PTPRJ: variants seen among roughly 807,000 people sequenced by gnomAD.
PTPRJ encodes protein tyrosine phosphatase receptor type J.
Under a neutral mutation model 141.3 loss-of-function variants are expected in PTPRJ, and 129 were observed. That is an observed-to-expected ratio of 0.91 (90% CI 0.79 to 1.06). PTPRJ has a LOEUF of 1.06. Ranked by LOEUF, PTPRJ falls within the 50% of genes least tolerant of loss-of-function variation. The pLI is 0.00. For missense variants in PTPRJ, 1,601 were observed against 1,679.7 expected (o/e 0.95, Z 0.82); for synonymous variants, 610 against 640.5 (o/e 0.95, Z 0.72).
chr11:47,990,447 G>C (rs985134438), intron 1 of PTPRJ, among the ~76,000 whole-genome samples: 1 of 151,870 alleles, frequency 6.6e-6, no homozygotes, highest in Non-Finnish European at 1.5e-5. Flanking sequence ...TTTTGAGGGG[G>C]AGTCTTGCTC....
intron 2 of PTPRJ, among the ~76,000 whole-genome samples, chr11:48,112,473 A>G (rs1230187582): frequency 1.3e-5 from 2 of 152,224 alleles, no homozygotes; most frequent in Non-Finnish European, 2.9e-5. Context: ...GCTCTTGGCC[A>G]TAGGAGCTCA....
In PTPRJ at chr11:48,075,814, C is replaced by T. The variant is rs538573592; in HGVS notation, c.97-34244C>T. 1.4e-4 allele frequency among the ~76,000 whole-genome samples: 21 copies of T among 152,264 alleles called. No individual in the cohort carries two copies. The South Asian group carries it at 4.1e-3, about 30-fold the overall frequency. Reference sequence around the variant, plus strand: ...TGCTTTCTGCCACATTTTACCTTGCCTTTCCGCACCTTCTACCATGTCTCC... The same window carrying T: ...TGCTTTCTGCCACATTTTACCTTGCTTTTCCGCACCTTCTACCATGTCTCC... On this transcript the variant is annotated intron_variant, in intron 1 of 24. Transcript: ENST00000418331.
chr11:48,120,109 A>T (rs1234164378), intron 3 of PTPRJ, among the ~76,000 whole-genome samples: 1 of 152,218 alleles, frequency 6.6e-6, no homozygotes, highest in Middle Eastern at 3.2e-3. Flanking sequence ...TGTTTATCAT[A>T]TCATGGTGGT....
chr11:47,988,597 C>A (rs1854110881), intron 1 of PTPRJ, among the ~76,000 whole-genome samples: 1 of 152,140 alleles, frequency 6.6e-6, no homozygotes, highest in African/African-American at 2.4e-5. Flanking sequence ...TAGTACACCT[C>A]CCTGTCCCGT....
rs78284435 is a variant in PTPRJ, at chr11:48,030,993, T to C, written c.96+49985T>C. Reference sequence around the variant, plus strand: ...AGGAGGAGGAAGAGACTGGATGTTATGGATATGGGCAGCAAGCAGTGTTTT... The same window carrying C: ...AGGAGGAGGAAGAGACTGGATGTTACGGATATGGGCAGCAAGCAGTGTTTT... On this transcript the variant is annotated intron_variant, in intron 1 of 24. Coordinates refer to ENST00000418331, the MANE Select transcript of PTPRJ (RefSeq NM_002843.4). 8.4e-3 allele frequency among the ~76,000 whole-genome samples: 1,274 copies of C among 152,234 alleles called. 13 individuals carry two copies. The highest frequency in any genetic ancestry group is 0.012 in the Non-Finnish European group (784 of 68,010).
At chr11:47,985,723 C>T (rs146731309) in intron 1 of PTPRJ, among the ~76,000 whole-genome samples, 2,232 of 150,412 alleles carry the variant, frequency 0.015, 58 homozygotes, top group African/African-American at 0.052. Flanking sequence ...TTTATTGAGA[C>T]GAAGTCTCAC....
At chr11:48,049,486 T>C (rs964861749) in intron 1 of PTPRJ, among the ~76,000 whole-genome samples, 2 of 148,106 alleles carry the variant, frequency 1.4e-5, no homozygotes, top group Non-Finnish European at 2.9e-5. Context: ...GAGACCAGCC[T>C]GGCCAATGCG....
chr11:48,167,334 T>A lies in PTPRJ; in HGVS notation c.3986T>A (p.Phe1329Tyr). The A allele has an allele frequency of 6.2e-7, 1 of 1,614,164 alleles. No homozygotes were observed. The change falls in exon 25 of 25, where the codon TTT becomes TAT. Residue 1329 changes from phenylalanine (F) to tyrosine (Y), a missense_variant. Physicochemically the swap from Phe to Tyr is conservative, Grantham distance 22. Coordinates refer to ENST00000418331, the MANE Select transcript of PTPRJ (RefSeq NM_002843.4). ...GAAAACCTTGCGCCCGTGACCACATTTGGAAAGACCAATGGTTACATCGCC... is the reference window on the plus strand; with the variant it reads ...GAAAACCTTGCGCCCGTGACCACATATGGAAAGACCAATGGTTACATCGCC... The part of the protein sequence containing the change: ...IYENLAPVTT[F>Y]GKTNGYIA
At chr11:47,986,825 A>G (rs1421767964) in intron 1 of PTPRJ, among the ~76,000 whole-genome samples, 1 of 152,120 alleles carries the variant, frequency 6.6e-6, no homozygotes, top group Non-Finnish European at 1.5e-5. Context: ...CATATGACAA[A>G]TATTTATGAA....
In PTPRJ at chr11:48,033,365, G is replaced by A. The variant is rs546271594; in HGVS notation, c.96+52357G>A. 2.9e-3 allele frequency among the ~76,000 whole-genome samples: 447 copies of A among 152,220 alleles called. 4 individuals carry two copies. Among genetic ancestry groups the A allele is most frequent in the African/African-American group, 0.01 (430 of 41,530 alleles). ...AGCAGTCTGCAGGAACCAGGAGCCC[G>A]GAGCTGAGGGAGGACATGAAGGCTG... On this transcript the variant is annotated intron_variant, in intron 1 of 24. Transcript: ENST00000418331.
At chr11:48,160,764 A>G (rs1299989752) in intron 22 of PTPRJ, among the ~76,000 whole-genome samples, 2 of 152,212 alleles carry the variant, frequency 1.3e-5, no homozygotes, top group Non-Finnish European at 2.9e-5. Context: ...GACGAGTCTC[A>G]GCATTATTTA....
chr11:48,027,857 G>A (rs990176113), intron 1 of PTPRJ, among the ~76,000 whole-genome samples: 1 of 149,092 alleles, frequency 6.7e-6, no homozygotes, highest in East Asian at 2.0e-4. Flanking sequence ...CTCCAGGGAA[G>A]GCTGCAGTAT....
intron 1 of PTPRJ, among the ~76,000 whole-genome samples, chr11:48,056,919 A>G (rs1590448764): frequency 6.6e-6 from 1 of 152,174 alleles, no homozygotes; most frequent in Non-Finnish European, 1.5e-5. Flanking sequence ...GTGCTATAGC[A>G]CTCCATTCTG....
At chr11:48,104,082 G>A (rs909273515) in intron 1 of PTPRJ, among the ~76,000 whole-genome samples, 10 of 152,220 alleles carry the variant, frequency 6.6e-5, no homozygotes, top group African/African-American at 2.4e-4. Context: ...ATGAGGCAGG[G>A]AAGCCGGCCT....
At chr11:48,027,251 C>T (rs1204425792) in intron 1 of PTPRJ, among the ~76,000 whole-genome samples, 1 of 151,752 alleles carries the variant, frequency 6.6e-6, no homozygotes, top group African/African-American at 2.4e-5. Flanking sequence ...TTGTCATCCG[C>T]ATGCCTCGGC....
At chr11:48,049,559 A>ACAAAG (rs559392106) in intron 1 of PTPRJ, among the ~76,000 whole-genome samples, 194 of 149,486 alleles carry the variant, frequency 1.3e-3, no homozygotes, top group Middle Eastern at 6.8e-3. Context: ...ACAAAACAAA[A>ACAAAG]CAAAACAAGT....
chr11:48,117,569 A>AAAAAAAAAAAC (rs1856601287), intron 3 of PTPRJ, among the ~76,000 whole-genome samples: 1 of 146,364 alleles, frequency 6.8e-6, no homozygotes, highest in Non-Finnish European at 1.5e-5. Flanking sequence ...AAAAAAAAAA[A>AAAAAAAAAAAC]AAAAAAGCAA....
Position 48,137,080 on chromosome 11 carries a change from G to A in PTPRJ, c.1951G>A (p.Ala651Thr), listed in dbSNP as rs184451413. The A allele has an allele frequency of 4.4e-6, 7 of 1,603,982 alleles. No homozygotes were observed. Among genetic ancestry groups the A allele is most frequent in the South Asian group, 2.2e-5 (2 of 90,868 alleles). ...TTTAAGTTGGCAGAACTTTGATGAC[G>A]CCTCTCCCACGTACTCCTACTGCCT... ...ATLSWQNFDD[A>T]SPTYSYCLLI... Residue 651 changes from alanine to threonine, a missense_variant, in exon 10 of 25, where the codon GCC (alanine) becomes ACC (threonine). Ala to Thr is a moderately conservative substitution (Grantham distance 58). Transcript: ENST00000418331.
chr11:48,111,666 C>T (rs997896613), intron 2 of PTPRJ, among the ~76,000 whole-genome samples: 1 of 152,014 alleles, frequency 6.6e-6, no homozygotes, highest in Non-Finnish European at 1.5e-5. Flanking sequence ...AAACATCTAC[C>T]GTAGGTAGTA....
Sources: gnomAD v4.1 joint callset for allele counts (sites outside exome capture counted in the v4.1 genomes callset) on GRCh38, gnomAD v4.1.1 for gene constraint, MANE v1.5 for transcripts, NCBI Gene and HGNC (gene_info 2026-07-23, HGNC 2026-07-21) for gene names.